PDE3A: variants seen among roughly 807,000 people sequenced by gnomAD.
The protein encoded by PDE3A is phosphodiesterase 3A.
In PDE3A, 43 loss-of-function variants were observed where a neutral mutation model predicts 98.3. The observed-to-expected ratio is 0.44, with a 90% CI of 0.34 to 0.56. The LOEUF (loss-of-function observed/expected upper bound fraction) is 0.56. Ranked by LOEUF, PDE3A falls within the 20% of genes least tolerant of loss-of-function variation. PDE3A has a pLI of 0.01. For synonymous variants in PDE3A, 663 were observed against 567.9 expected (o/e 1.17, Z -2.38); for missense variants, 1,427 against 1,440.7 (o/e 0.99, Z 0.15).
intron 14 of PDE3A, among the ~76,000 whole-genome samples, chr12:20,652,018 G>C (rs1944931027): frequency 6.6e-6 from 1 of 151,798 alleles, no homozygotes; most frequent in African/African-American, 2.4e-5. Context: ...AACATGCGGT[G>C]TTTGGTTTTT....
At chr12:20,558,593 TAAAA>T (rs1255693351) in intron 2 of PDE3A, among the ~76,000 whole-genome samples, 2 of 151,416 alleles carry the variant, frequency 1.3e-5, no homozygotes, top group Non-Finnish European at 2.9e-5. Context: ...CAAAAAACAT[TAAAA>T]AGAAAGAGAA....
intron 1 of PDE3A, among the ~76,000 whole-genome samples, chr12:20,470,303 T>C (rs1945415189): frequency 6.6e-6 from 1 of 152,172 alleles, no homozygotes. Flanking sequence ...TTTTGAATGT[T>C]GTTCTGACTT....
At chr12:20,375,154 G>C (rs1439787192) in intron 1 of PDE3A, among the ~76,000 whole-genome samples, 1 of 151,906 alleles carries the variant, frequency 6.6e-6, no homozygotes, top group African/African-American at 2.4e-5. Context: ...CTGCATTCAT[G>C]TGTTTAATGA....
intron 2 of PDE3A, among the ~76,000 whole-genome samples, chr12:20,565,572 T>C (rs1565590779): frequency 6.6e-6 from 1 of 151,822 alleles, no homozygotes; most frequent in African/African-American, 2.4e-5. Context: ...AAAGGTGATA[T>C]AGGGTGGAGG....
chr12:20,489,646 C>G (rs1185818625), intron 1 of PDE3A, among the ~76,000 whole-genome samples: 1 of 152,138 alleles, frequency 6.6e-6, no homozygotes, highest in East Asian at 1.9e-4. Context: ...TAAGATATGT[C>G]ATTTACTTAA....
rs117124157 is a variant in PDE3A at position 20,390,576 on chromosome 12, C to T, written c.960+20332C>T. Among the ~76,000 whole-genome samples, 20 of 102,632 alleles carry T rather than the reference C, an allele frequency of 1.9e-4. No individual in the cohort carries two copies. In the East Asian group the frequency reaches 6.4e-3, roughly 33 times the overall value. The allele number at this position is 102,632 out of a possible 152,430, so 67.3% of individuals were successfully genotyped here. A position where few individuals can be genotyped will look rare whatever the true frequency, so the allele number is the denominator to read the frequency against. ...ACCTGAGAAACTAGAAAGATAGTGG[C>T]GCTGGTCACTGAGAAAAAAAAGCAT... On this transcript the variant is annotated intron_variant, in intron 1 of 15. Transcript: ENST00000359062.
intron 1 of PDE3A, among the ~76,000 whole-genome samples, chr12:20,387,664 T>A (rs752716821): frequency 1.3e-4 from 20 of 152,040 alleles, no homozygotes; most frequent in Non-Finnish European, 2.9e-4. Flanking sequence ...AGCACTTCAG[T>A]GATAGGTGCT....
rs1487511744 is a variant in PDE3A, at chr12:20,637,197, T to C, written c.2099T>C (p.Val700Ala). The C allele has an allele frequency of 6.2e-7, 1 of 1,609,766 alleles. No homozygotes were observed. The highest frequency in any genetic ancestry group is 2.2e-5 in the East Asian group (1 of 44,768). ...NTWNFPIFDL[V>A]ENIGRKCGRI... is the part of the protein sequence containing the mutation. ...TGGAATTTTCCAATTTTTGATTTAG[T>C]GGAAAATATAGGAAGAAAATGTGGC... The change falls in exon 9 of 16, where the codon GTG (valine) becomes GCG (alanine). Residue 700 changes from valine to alanine, a missense_variant. By Grantham distance (64) the Val-to-Ala change is moderately conservative (BLOSUM62 0). Around this residue, in one of 3 missense-constraint regions of PDE3A, gnomAD observed 273 missense variants for 420.3 expected, o/e 0.65. Transcript: ENST00000359062.
At chr12:20,508,064 A>G (rs569443084) in intron 1 of PDE3A, among the ~76,000 whole-genome samples, 2 of 151,932 alleles carry the variant, frequency 1.3e-5, no homozygotes, top group South Asian at 2.1e-4. Context: ...CTCATCTCTC[A>G]TTACCTTTCT....
chr12:20,458,006 A>C (rs909846792), intron 1 of PDE3A, among the ~76,000 whole-genome samples: 1 of 152,074 alleles, frequency 6.6e-6, no homozygotes, highest in Admixed American at 6.6e-5. Flanking sequence ...ATGATCATTT[A>C]CCTTTTTTCT....
rs141056545 is a variant in PDE3A at position 20,613,463 on chromosome 12, T to C, written c.1032T>C (p.Thr344=). 932 of 1,614,156 alleles carry C rather than the reference T, an allele frequency of 5.8e-4. No homozygotes were observed. The highest frequency in any genetic ancestry group is 7.3e-4 in the Non-Finnish European group (867 of 1,179,968). The change falls in exon 3 of 16, where the codon ACT becomes ACC. Residue 344 remains threonine (T), a synonymous_variant. Coordinates refer to ENST00000359062, the MANE Select transcript of PDE3A (RefSeq NM_000921.5). The part of the protein sequence containing the change: ...RGSQSSGTSI[T]VDIAVMGEAH... ...CTCAGTCTTCAGGAACCAGTATTAC[T>C]GTGGACATCGCCGTCATGGGCGAGG...
intron 15 of PDE3A, among the ~76,000 whole-genome samples, chr12:20,671,390 CA>C (rs1945477107): frequency 6.6e-6 from 1 of 151,972 alleles, no homozygotes; most frequent in South Asian, 2.1e-4. Context: ...GGCAGAGACA[CA>C]ACAAAAAAAG....
At chr12:20,541,817 G>T (rs1941920378) in intron 1 of PDE3A, among the ~76,000 whole-genome samples, 1 of 152,110 alleles carries the variant, frequency 6.6e-6, no homozygotes, top group Non-Finnish European at 1.5e-5. Context: ...GAAGAATTGA[G>T]GGGGAAGGTC....
At chr12:20,463,098 G>T (rs1389057276) in intron 1 of PDE3A, among the ~76,000 whole-genome samples, 1 of 152,104 alleles carries the variant, frequency 6.6e-6, no homozygotes, top group African/African-American at 2.4e-5. Context: ...TTATGCCCAT[G>T]ATAAATTATC....
chr12:20,554,813 C>G (rs928888638), intron 1 of PDE3A, among the ~76,000 whole-genome samples: 2 of 151,900 alleles, frequency 1.3e-5, no homozygotes, highest in African/African-American at 4.8e-5. Flanking sequence ...TCATGAACTC[C>G]TTTTTTTCAT....
intron 1 of PDE3A, among the ~76,000 whole-genome samples, chr12:20,536,712 A>G (rs931893165): frequency 6.6e-6 from 1 of 152,160 alleles, no homozygotes; most frequent in Non-Finnish European, 1.5e-5. Flanking sequence ...AGTATGTATC[A>G]GTACTACTTC....
intron 1 of PDE3A, among the ~76,000 whole-genome samples, chr12:20,427,570 C>A (rs893067288): frequency 7.2e-5 from 11 of 152,014 alleles, no homozygotes; most frequent in African/African-American, 2.7e-4. Context: ...ATGAATATTA[C>A]CAAGTTTAAG....
At chr12:20,619,000 G>A (rs1483872412) in intron 4 of PDE3A, among the ~76,000 whole-genome samples, 9 of 152,104 alleles carry the variant, frequency 5.9e-5, no homozygotes, top group East Asian at 3.9e-4. Flanking sequence ...TGAGAAAACC[G>A]TGTAAAGCCT....
chr12:20,400,393 T>G (rs1215140540), intron 1 of PDE3A, among the ~76,000 whole-genome samples: 116 of 11,024 alleles, frequency 0.011, no homozygotes, highest in African/African-American at 0.019. Flanking sequence ...TTTTTTTTTT[T>G]TTTTTTTTTT....
Sources: allele counts gnomAD v4.1 joint callset (sites outside exome capture counted in the v4.1 genomes callset), GRCh38; gene constraint gnomAD v4.1.1; regional missense constraint gnomAD v4.1.1; transcripts MANE v1.5; gene names NCBI Gene and HGNC (gene_info 2026-07-23, HGNC 2026-07-21).